Variants in CNDP1 observed in about 807,000 individuals in gnomAD.
The protein encoded by CNDP1 is beta-Ala-His dipeptidase.
Under a neutral mutation model 58.1 loss-of-function variants are expected in CNDP1, and 44 were observed. The observed-to-expected ratio is 0.76, with a 90% CI of 0.60 to 0.97. CNDP1 has a LOEUF of 0.97. Among genes scored for constraint, CNDP1 ranks in the 50% least tolerant of loss-of-function variants. The probability of loss-of-function intolerance (pLI) is 0.00; values close to 1 mark genes in which losing one functional copy is unlikely to be tolerated. For synonymous variants in CNDP1, 254 were observed against 252.6 expected (o/e 1.01, Z -0.05); for missense variants, 616 against 655.1 (o/e 0.94, Z 0.65).
intron 5 of CNDP1, 178 bp from the exon 6 acceptor site, chr18:74,567,055 C>T (rs193265869): frequency 3.3e-6 from 2 of 604,316 alleles, no homozygotes; most frequent in East Asian, 5.7e-5. Context: ...ATGAGACTTA[C>T]TCACTATCAC....
chr18:74,580,240 G>C lies in CNDP1; in HGVS notation c.1278G>C (p.Gln426His). Residue 426 changes from glutamine to histidine, a missense_variant, in exon 10 of 12, where the codon CAG becomes CAC. Transcript: ENST00000358821. Reference sequence around the variant, plus strand: ...GGATTGCAAATATTGATGACACCCAGTATCTCGCAGCAAAAAGAGCGATCA... The same window carrying C: ...GGATTGCAAATATTGATGACACCCACTATCTCGCAGCAAAAAGAGCGATCA... ...HPWIANIDDT[Q>H]YLAAKRAIRT... The C allele has an allele frequency of 6.2e-7, 1 of 1,614,202 alleles. No individual in the cohort carries two copies. Among genetic ancestry groups the C allele is most frequent in the Non-Finnish European group, 8.5e-7 (1 of 1,180,024 alleles).
Position 74,577,032 on chromosome 18 carries a change from A to G in CNDP1, c.1002+3A>G. 1.2e-6 allele frequency: 2 copies of G among 1,608,282 alleles called. No homozygotes were observed. Among genetic ancestry groups the G allele is most frequent in the Non-Finnish European group, 1.7e-6 (2 of 1,177,178 alleles). On this transcript the variant is annotated splice_donor_region_variant and intron_variant, in intron 8 of 11. Coordinates refer to ENST00000358821, the MANE Select transcript of CNDP1 (RefSeq NM_032649.6). ...AGAAATTTCTGTTCGATACTAAGGT[A>G]TGGCCACAGACTGATGGATAAGCTG...
intron 1 of CNDP1, among the ~76,000 whole-genome samples, chr18:74,540,871 C>T (rs1980604047): frequency 6.6e-6 from 1 of 152,184 alleles, no homozygotes; most frequent in Non-Finnish European, 1.5e-5. Context: ...CAACAAATCA[C>T]ATGATGTGTG....
rs148458615 is a variant in CNDP1, at chr18:74,571,269, C to T, written c.840C>T (p.Leu280=). Residue 280 remains leucine, a splice_region_variant and synonymous_variant, in exon 7 of 12, where the codon CTC becomes CTT. Coordinates refer to ENST00000358821, the MANE Select transcript of CNDP1 (RefSeq NM_032649.6). ...CAATGGCTGATCTGGTTGCTCTTCT[C>T]GGTAATGCCTTATTTTGTTTCACTT... ...HEPMADLVAL[L]GSLVDSSGHI... The T allele has an allele frequency of 6.5e-5, 104 of 1,600,190 alleles. 1 individual carries two copies. In the African/African-American group the frequency reaches 1.1e-3, roughly 16 times the overall value.
At chr18:74,535,895 G>A (rs1265053011) in intron 1 of CNDP1, among the ~76,000 whole-genome samples, 1 of 152,066 alleles carries the variant, frequency 6.6e-6, no homozygotes, top group Non-Finnish European at 1.5e-5. Flanking sequence ...AGCCAGGCAG[G>A]GTGGAGCATG....
chr18:74,544,343 C>T (rs886798846), intron 1 of CNDP1, among the ~76,000 whole-genome samples: 1 of 152,138 alleles, frequency 6.6e-6, no homozygotes, highest in Admixed American at 6.5e-5. Flanking sequence ...AGAAGAGAAA[C>T]AAAGTCCTGG....
chr18:74,538,491 A>G (rs532304256), intron 1 of CNDP1, among the ~76,000 whole-genome samples: 2 of 152,320 alleles, frequency 1.3e-5, no homozygotes, highest in Admixed American at 6.5e-5. Flanking sequence ...TAATGCTGCT[A>G]TAAACATTTG....
At chr18:74,575,067 AGAAGGAAGGAAAGAAAG>A (rs145059178) in intron 7 of CNDP1, among the ~76,000 whole-genome samples, 76 of 122,488 alleles carry the variant, frequency 6.2e-4, no homozygotes, top group Non-Finnish European at 9.3e-4. Context: ...GAAAGAAGAA[AGAAGGAAGGAAAGAAAG>A]GAAGGAAGGA....
At chr18:74,567,164 G>A in intron 5 of CNDP1, 69 bp from the exon 6 acceptor site, 1 of 1,257,842 alleles carries the variant, frequency 8.0e-7, no homozygotes, top group Non-Finnish European at 1.2e-6. Context: ...TTCAAGTTGA[G>A]ATTTGGTGGG....
Position 74,545,863 on chromosome 18 carries a change from G to C in CNDP1, c.25-10475G>C, listed in dbSNP as rs1980746329. Reference sequence around the variant, plus strand: ...ATCTCCAAAGGAGAATGTTCGCCTTGGGTTTTGGCTCCAGCGTCAGGCACA... The same window carrying C: ...ATCTCCAAAGGAGAATGTTCGCCTTCGGTTTTGGCTCCAGCGTCAGGCACA... On this transcript the variant is annotated intron_variant, in intron 1 of 11. Coordinates refer to ENST00000358821, the MANE Select transcript of CNDP1 (RefSeq NM_032649.6). The surrounding 1 kb of genome is among the most constrained non-coding windows in gnomAD (Gnocchi z 4.1). 1.3e-5 allele frequency among the ~76,000 whole-genome samples: 2 copies of C among 152,124 alleles called. No homozygotes were observed. The highest frequency in any genetic ancestry group is 2.9e-5 in the Non-Finnish European group (2 of 68,036).
At position 74,586,872 on chromosome 18, in the gene CNDP1, A is replaced by C. The variant is rs1463248535; in HGVS notation, c.*2310A>C. On this transcript the variant is annotated 3_prime_UTR_variant, in exon 12 of 12. Coordinates refer to ENST00000358821, the MANE Select transcript of CNDP1 (RefSeq NM_032649.6). ...AGAAAGCTACTCAGTTGTTATTCAG[A>C]TATATTAACCAGCCATATGGAGGCA... The C allele has an allele frequency of 1.3e-5, 2 of 152,198 alleles. No homozygotes were observed. Among genetic ancestry groups the C allele is most frequent in the Non-Finnish European group, 2.9e-5 (2 of 68,030 alleles). 9.4% of individuals were successfully genotyped at this position (152,198 alleles called of 1,614,324 possible). A position where few individuals can be genotyped will look rare whatever the true frequency, so the allele number is the denominator to read the frequency against.
At chr18:74,579,647 C>T (rs555114602) in intron 9 of CNDP1, among the ~76,000 whole-genome samples, 33 of 152,084 alleles carry the variant, frequency 2.2e-4, no homozygotes, top group Admixed American at 1.8e-3. Context: ...TGAAATGAGG[C>T]TCTCCATAGT....
chr18:74,571,495 T>G (rs12964454), intron 7 of CNDP1, among the ~76,000 whole-genome samples: 50,218 of 152,004 alleles, frequency 0.33, 9,541 homozygotes, highest in East Asian at 0.47. Context: ...TTTTGTTTTA[T>G]TGGACATTGT....
chr18:74,576,664 T>A, intron 7 of CNDP1: 1 of 467,096 alleles, frequency 2.1e-6, no homozygotes, highest in Non-Finnish European at 3.8e-6. Flanking sequence ...CAGGGCGGAC[T>A]CCAGCTGCGT....
rs1037348137 is a variant in CNDP1, at chr18:74,571,347, C to T, written c.841+77C>T. The T allele has an allele frequency of 4.8e-5, 50 of 1,037,878 alleles. No individual in the cohort carries two copies. In the Middle Eastern group the frequency reaches 1.2e-3, roughly 25 times the overall value. 64.3% of individuals were successfully genotyped at this position (1,037,878 alleles called of 1,614,324 possible). A position where few individuals can be genotyped will look rare whatever the true frequency, so the allele number is the denominator to read the frequency against. ...CAGCTCTACTTGATTTTATGTGCCT[C>T]TCCTTGCTTTCTGAACCAGCTCTGA... is the stretch of plus-strand genomic sequence containing the variant. On this transcript the variant is annotated intron_variant, in intron 7 of 11. Coordinates refer to ENST00000358821, the MANE Select transcript of CNDP1 (RefSeq NM_032649.6).
intron 5 of CNDP1, among the ~76,000 whole-genome samples, chr18:74,563,097 C>A (rs1358219046): frequency 6.6e-6 from 1 of 152,174 alleles, no homozygotes; most frequent in Non-Finnish European, 1.5e-5. Flanking sequence ...GGTGTCTTTT[C>A]CTGAAGGTTA....
chr18:74,565,908 C>T (rs976422149), intron 5 of CNDP1, among the ~76,000 whole-genome samples: 1 of 152,264 alleles, frequency 6.6e-6, no homozygotes, highest in Non-Finnish European at 1.5e-5. Flanking sequence ...AGAGGCTCTC[C>T]ATGAGGGTCC....
At position 74,584,507 on chromosome 18, in the gene CNDP1, T is replaced by C. The variant is rs1159137068; in HGVS notation, c.1469T>C (p.Ile490Thr). ...TTTCCTCTTCTTAGGTGGAACTACA[T>C]AGAGGGAACCAAATTATTTGCTGCC... ...QNEKINRWNY[I>T]EGTKLFAAFF... The change falls in exon 12 of 12, where the codon ATA becomes ACA. Residue 490 changes from isoleucine (I) to threonine (T), a missense_variant. Physicochemically the swap from Ile to Thr is moderately conservative, Grantham distance 89. Transcript: ENST00000358821. The C allele has an allele frequency of 3.1e-6, 5 of 1,612,744 alleles. No homozygotes were observed. The highest frequency in any genetic ancestry group is 2.7e-5 in the African/African-American group (2 of 74,912).
chr18:74,574,067 A>C (rs7506760), intron 7 of CNDP1, among the ~76,000 whole-genome samples: 97,152 of 151,896 alleles, frequency 0.64, 31,775 homozygotes, highest in African/African-American at 0.77. Context: ...ACTTCCAGGG[A>C]CCCCTGATGT....
Sources: gnomAD v4.1 joint callset for allele counts (sites outside exome capture counted in the v4.1 genomes callset) on GRCh38, gnomAD v4.1.1 for gene constraint, Gnocchi (gnomAD v3.1) non-coding constraint, MANE v1.5 for transcripts, NCBI Gene and HGNC (gene_info 2026-07-23, HGNC 2026-07-21) for gene names.